The following PRKCSH variants were observed in gnomAD, a reference collection of about 807,000 sequenced individuals.
PRKCSH encodes the protein glucosidase 2 subunit beta.
PRKCSH carries 42 observed loss-of-function variants against 79.7 expected under a neutral mutation model. The observed-to-expected ratio is 0.53, with a 90% CI of 0.41 to 0.68. The LOEUF (loss-of-function observed/expected upper bound fraction) is 0.68, where lower values mean the gene tolerates loss of function less well. Among genes scored for constraint, PRKCSH ranks in the 30% least tolerant of loss-of-function variants. The pLI, the probability that PRKCSH is intolerant of heterozygous loss-of-function variation, is 0.00. For synonymous variants in PRKCSH, 325 were observed against 288.2 expected, an observed-to-expected ratio of 1.13 and a Z score of -1.29; for missense variants, 686 against 709.0, an observed-to-expected ratio of 0.97 and a Z score of 0.37.
intron 8 of PRKCSH, chr19:11,445,741 C>T (rs1280536373): frequency 1.8e-5 from 10 of 545,176 alleles, no homozygotes; most frequent in African/African-American, 3.8e-5. Context: ...ATCTAGTGAT[C>T]GGATGGCTTT....
chr19:11,449,079 C>A lies in PRKCSH; in HGVS notation c.1365C>A (p.Thr455=). Residue 455 remains threonine (T), a synonymous_variant, in exon 16 of 18, where the codon ACC becomes ACA. Coordinates refer to ENST00000677123, the MANE Select transcript of PRKCSH (RefSeq NM_001289104.2). This position sits in a 1 kb window ranked among gnomAD's most constrained non-coding sequence, Gnocchi z 6.4. ...KLGGSPTSLG[T]WGSWIGPDHD... ...CAGCACCCTGTGTCTCTCACAGCACCTGGGGCTCATGGATTGGCCCCGACC... is the reference window on the plus strand; with the variant it reads ...CAGCACCCTGTGTCTCTCACAGCACATGGGGCTCATGGATTGGCCCCGACC... 1 of 1,613,558 alleles carries A rather than the reference C, an allele frequency of 6.2e-7. No homozygotes were observed. The highest frequency in any genetic ancestry group is 8.5e-7 in the Non-Finnish European group (1 of 1,180,024).
chr19:11,436,155 G>T lies in PRKCSH; in HGVS notation c.38G>T (p.Trp13Leu). The T allele has an allele frequency of 6.2e-7, 1 of 1,603,428 alleles. No homozygotes were observed. The highest frequency in any genetic ancestry group is 8.5e-7 in the Non-Finnish European group (1 of 1,176,604). Residue 13 changes from tryptophan (W) to leucine (L), a missense_variant, in exon 2 of 18, where the codon TGG (tryptophan) becomes TTG (leucine). Around this residue, in one of 2 missense-constraint regions of PRKCSH, gnomAD observed 549 missense variants for 520.2 expected, o/e 1.06. Transcript: ENST00000677123. ...LPLLLLLPMCWAVEVKRPRGV... is the reference protein window; with the variant it reads ...LPLLLLLPMCLAVEVKRPRGV... ...CTGCTGCTGCTGCTACCCATGTGCT[G>T]GGCCGTGGAGGTCAAGAGGCCCCGG...
intron 5 of PRKCSH, among the ~76,000 whole-genome samples, chr19:11,439,600 CTTTTCT>C (rs1255572103): frequency 1.2e-4 from 8 of 66,496 alleles, no homozygotes; most frequent in African/African-American, 4.7e-4. Context: ...AAAAATTTTT[CTTTTCT>C]TTTTTTTTTT....
At chr19:11,436,661 C>T in intron 3 of PRKCSH, 156 bp downstream of exon 3, 1 of 694,950 alleles carries the variant, frequency 1.4e-6, no homozygotes, top group Admixed American at 2.1e-5. Context: ...CCCCGGGCAG[C>T]TGGAGGAGCC....
Position 11,449,619 on chromosome 19 carries a change from T to A in PRKCSH, c.*16+191T>A, listed in dbSNP as rs924949578. On this transcript the variant is annotated intron_variant, in intron 17 of 17. Transcript: ENST00000677123. This position sits in a 1 kb window ranked among gnomAD's most constrained non-coding sequence, Gnocchi z 6.4. ...GTGCAGTGATGCGACCTCAGCTGACTGCAACCTCTACCTCCCGGGTTCAAA... is the reference window on the plus strand; with the variant it reads ...GTGCAGTGATGCGACCTCAGCTGACAGCAACCTCTACCTCCCGGGTTCAAA... 4.4e-6 allele frequency: 3 copies of A among 689,104 alleles called. No individual in the cohort carries two copies. Among genetic ancestry groups the A allele is most frequent in the African/African-American group, 1.8e-5 (1 of 55,572 alleles). 42.7% of individuals were successfully genotyped at this position (689,104 alleles called of 1,614,324 possible).
At chr19:11,446,210 G>T (rs1055957044) in intron 8 of PRKCSH, 62 bp from the exon 9 acceptor site, 15 of 1,565,704 alleles carry the variant, frequency 9.6e-6, no homozygotes, top group South Asian at 2.2e-5. Flanking sequence ...GCCACATGGT[G>T]CCCCCAACTG....
chr19:11,448,107 T>C lies in PRKCSH; in HGVS notation c.1127-115T>C. ...GGCCCTCAAGGCTGTCGGGGTGAAGTCCTTGGCCAGAGCAAAATGAGGGTA... is the reference window on the plus strand; with the variant it reads ...GGCCCTCAAGGCTGTCGGGGTGAAGCCCTTGGCCAGAGCAAAATGAGGGTA... On this transcript the variant is annotated intron_variant, in intron 12 of 17. Transcript: ENST00000677123. This position sits in a 1 kb window ranked among gnomAD's most constrained non-coding sequence, Gnocchi z 4.4. 1 of 1,163,866 alleles carries C rather than the reference T, an allele frequency of 8.6e-7. No homozygotes were observed. Among genetic ancestry groups the C allele is most frequent in the Non-Finnish European group, 1.3e-6 (1 of 795,688 alleles). The allele number at this position is 1,163,866 out of a possible 1,614,324, so 72.1% of individuals were successfully genotyped here. A position where few individuals can be genotyped will look rare whatever the true frequency, so the allele number is the denominator to read the frequency against.
intron 6 of PRKCSH, 131 bp downstream of exon 6, chr19:11,441,488 C>G: frequency 4.7e-6 from 4 of 854,616 alleles, no homozygotes; most frequent in Non-Finnish European, 8.1e-6. Context: ...CGGAGCTTTG[C>G]TTTCTCAGTT....
At position 11,448,161 on chromosome 19, in the gene PRKCSH, C is replaced by A; in HGVS notation, c.1127-61C>A. The A allele has an allele frequency of 6.7e-7, 1 of 1,499,084 alleles. No homozygotes were observed. Among genetic ancestry groups the A allele is most frequent in the Non-Finnish European group, 9.1e-7 (1 of 1,099,900 alleles). 92.9% of individuals were successfully genotyped at this position (1,499,084 alleles called of 1,614,324 possible). Reference sequence around the variant, plus strand: ...GAGCACACAGCCACATCCATGGAACCCCGTTCCCCATCCTCCTGGATGGGG... The same window carrying A: ...GAGCACACAGCCACATCCATGGAACACCGTTCCCCATCCTCCTGGATGGGG... On this transcript the variant is annotated intron_variant, in intron 12 of 17. Coordinates refer to ENST00000677123, the MANE Select transcript of PRKCSH (RefSeq NM_001289104.2). This position sits in a 1 kb window ranked among gnomAD's most constrained non-coding sequence, Gnocchi z 4.4.
intron 7 of PRKCSH, 87 bp downstream of exon 7, chr19:11,442,602 C>T (rs1970114245): frequency 6.5e-7 from 1 of 1,546,784 alleles, no homozygotes; most frequent in Admixed American, 1.9e-5. Context: ...TATCTGTTGT[C>T]AGTTTCAGCA....
intron 5 of PRKCSH, 24 bp downstream of exon 5, chr19:11,438,148 C>T (rs1969871469): frequency 1.2e-6 from 2 of 1,612,916 alleles, no homozygotes; most frequent in South Asian, 1.1e-5. Flanking sequence ...AGTACCCCTC[C>T]CATCACCCCA....
At position 11,447,075 on chromosome 19, in the gene PRKCSH, C is replaced by G; in HGVS notation, c.764C>G (p.Ala255Gly). ...TGACACCACCCCCAACACACACAGG[C>G]CCTCCTCAGTGGGGACACACAGACA... ...DGALSEAEAQ[A>G]LLSGDTQTDA... is the part of the protein sequence containing the mutation. Residue 255 changes from alanine (A) to glycine (G), a missense_variant and splice_region_variant, in exon 10 of 18, where the codon GCC becomes GGC. Ala to Gly is a moderately conservative substitution (Grantham distance 60). Coordinates refer to ENST00000677123, the MANE Select transcript of PRKCSH (RefSeq NM_001289104.2). This position sits in a 1 kb window ranked among gnomAD's most constrained non-coding sequence, Gnocchi z 5.6. 6.2e-7 allele frequency: 1 copy of G among 1,613,938 alleles called. No homozygotes were observed. Among genetic ancestry groups the G allele is most frequent in the South Asian group, 1.1e-5 (1 of 91,084 alleles).
At position 11,448,900 on chromosome 19, in the gene PRKCSH, C is replaced by G. The variant is rs372066333; in HGVS notation, c.1287-14C>G. 6.2e-6 allele frequency: 10 copies of G among 1,614,066 alleles called. No individual in the cohort carries two copies. In the African/African-American group the frequency reaches 1.1e-4, roughly 17 times the overall value. On this transcript the variant is annotated splice_polypyrimidine_tract_variant and intron_variant, in intron 14 of 17. Coordinates refer to ENST00000677123, the MANE Select transcript of PRKCSH (RefSeq NM_001289104.2). This position sits in a 1 kb window ranked among gnomAD's most constrained non-coding sequence, Gnocchi z 4.4. ...CCCTGCGTTCCCCAACCCATATGTC[C>G]CGGTCCTCCACAGATACGTCTACCG...
At chr19:11,438,765 C>CAA (rs543509035) in intron 5 of PRKCSH, among the ~76,000 whole-genome samples, 2 of 88,456 alleles carry the variant, frequency 2.3e-5, no homozygotes, top group Non-Finnish European at 4.8e-5. Context: ...AAAAAAAAAG[C>CAA]AAAAAAAAAA....
In PRKCSH at chr19:11,447,053, C is replaced by T. The variant is rs745480314; in HGVS notation, c.763-21C>T. 1 of 1,612,128 alleles carries T rather than the reference C, an allele frequency of 6.2e-7. No individual in the cohort carries two copies. The highest frequency in any genetic ancestry group is 2.2e-5 in the East Asian group (1 of 44,844). ...GGACACGTGGTGGCCTAGATCTTGACACCACCCCCAACACACACAGGCCCT... is the reference window on the plus strand; with the variant it reads ...GGACACGTGGTGGCCTAGATCTTGATACCACCCCCAACACACACAGGCCCT... On this transcript the variant is annotated intron_variant, in intron 9 of 17. Coordinates refer to ENST00000677123, the MANE Select transcript of PRKCSH (RefSeq NM_001289104.2). This position sits in a 1 kb window ranked among gnomAD's most constrained non-coding sequence, Gnocchi z 5.6.
intron 3 of PRKCSH, 57 bp downstream of exon 3, chr19:11,436,562 G>T: frequency 7.2e-7 from 1 of 1,380,554 alleles, no homozygotes; most frequent in Middle Eastern, 1.8e-4. Flanking sequence ...TCAGTGCCAG[G>T]CCCTGTCTGT....
At chr19:11,446,189 A>G (rs1342674123) in intron 8 of PRKCSH, 83 bp from the exon 9 acceptor site, 4 of 1,466,582 alleles carry the variant, frequency 2.7e-6, no homozygotes, top group Admixed American at 1.7e-5. Context: ...CCTGCAGGGA[A>G]GAACAGGTGG....
chr19:11,436,297 T>A (rs1969735595), intron 2 of PRKCSH, 92 bp from the exon 3 acceptor site: 1 of 1,579,056 alleles, frequency 6.3e-7, no homozygotes, highest in Admixed American at 1.7e-5. Flanking sequence ...AGTTTCCCGG[T>A]AGTGCTCCGC....
chr19:11,436,683 TC>T (rs1406383312), intron 3 of PRKCSH, 178 bp downstream of exon 3: 2 of 623,776 alleles, frequency 3.2e-6, no homozygotes, highest in Non-Finnish European at 5.8e-6. Context: ...AGAGTCGTCC[TC>T]CTCCCAAGCC....
Sources: gnomAD v4.1 joint callset for allele counts (sites outside exome capture counted in the v4.1 genomes callset) on GRCh38, gnomAD v4.1.1 for gene constraint, gnomAD v4.1.1 regional missense constraint, Gnocchi (gnomAD v3.1) non-coding constraint, MANE v1.5 for transcripts, NCBI Gene and HGNC (gene_info 2026-07-23, HGNC 2026-07-21) for gene names.